Variants in SV2C observed in about 807,000 individuals in gnomAD.
SV2C encodes solute carrier family 22 member B3.
In SV2C, 49 loss-of-function variants were observed where a neutral mutation model predicts 79.7. The observed-to-expected ratio is 0.61, with a 90% CI of 0.49 to 0.78. The LOEUF (loss-of-function observed/expected upper bound fraction) is 0.78, where lower values mean the gene tolerates loss of function less well. Ranked by LOEUF, SV2C falls within the 30% of genes least tolerant of loss-of-function variation. The pLI is 0.00. For missense variants in SV2C, 833 were observed against 912.9 expected (o/e 0.91, Z 1.13); for synonymous variants, 334 against 333.2 (o/e 1.00, Z -0.03).
the SV2C span, among the ~76,000 whole-genome samples, chr5:76,016,354 G>A: frequency 6.7e-6 from 1 of 149,334 alleles, no homozygotes; most frequent in Non-Finnish European, 1.5e-5. Context: ...ACAACCTGAT[G>A]GACTCTACCT....
chr5:76,141,324 A>G (rs989376683), intron 2 of SV2C, among the ~76,000 whole-genome samples: 2 of 152,166 alleles, frequency 1.3e-5, no homozygotes, highest in Admixed American at 1.3e-4. Context: ...ACCTGAAGGC[A>G]GATTTCTCTA....
At chr5:75,870,505 A>G in the SV2C span, among the ~76,000 whole-genome samples, 1 of 152,134 alleles carries the variant, frequency 6.6e-6, no homozygotes, top group Admixed American at 6.6e-5. Flanking sequence ...AAGCATGCCT[A>G]TAGGATCTAG....
intron 12 of SV2C, among the ~76,000 whole-genome samples, chr5:76,339,833 C>T (rs1381990578): frequency 5.3e-5 from 8 of 152,140 alleles, no homozygotes; most frequent in African/African-American, 9.7e-5. Context: ...TTGTCAGAGG[C>T]GTTTAAACCA....
chr5:76,002,132 T>C, the SV2C span, among the ~76,000 whole-genome samples: 3 of 151,320 alleles, frequency 2.0e-5, no homozygotes, highest in Non-Finnish European at 2.9e-5. Flanking sequence ...CATTATTTCA[T>C]TCCATTTTAT....
chr5:75,882,211 T>G, the SV2C span, among the ~76,000 whole-genome samples: 10 of 151,750 alleles, frequency 6.6e-5, no homozygotes, highest in South Asian at 2.1e-4. Context: ...AGTATTTTAT[T>G]GAGGATTTTT....
intron 4 of SV2C, among the ~76,000 whole-genome samples, chr5:76,269,623 T>G (rs1251133952): frequency 6.6e-6 from 1 of 152,150 alleles, no homozygotes; most frequent in African/African-American, 2.4e-5. Flanking sequence ...TTGCCAAAAC[T>G]GTCATGAGAG....
At chr5:76,131,293 A>C (rs904125982) in intron 1 of SV2C, among the ~76,000 whole-genome samples, 1 of 152,162 alleles carries the variant, frequency 6.6e-6, no homozygotes, top group South Asian at 2.1e-4. Context: ...TTTCTCAATC[A>C]AGGTATATGC....
the SV2C span, among the ~76,000 whole-genome samples, chr5:75,891,212 T>C: frequency 4.6e-5 from 7 of 152,064 alleles, no homozygotes; most frequent in African/African-American, 1.7e-4. Flanking sequence ...TTTGATCAGA[T>C]TAGACCACTG....
intron 4 of SV2C, among the ~76,000 whole-genome samples, chr5:76,245,415 A>G (rs1297263037): frequency 6.6e-6 from 1 of 152,222 alleles, no homozygotes; most frequent in East Asian, 1.9e-4. Flanking sequence ...CCAGTGGCAA[A>G]TGATTCTGAA....
chr5:75,934,989 A>T, the SV2C span, among the ~76,000 whole-genome samples: 4 of 151,718 alleles, frequency 2.6e-5, no homozygotes, highest in African/African-American at 9.7e-5. Context: ...ATATTAATAT[A>T]TAGAAATGCT....
the SV2C span, among the ~76,000 whole-genome samples, chr5:76,036,113 C>T: frequency 6.6e-6 from 1 of 151,862 alleles, no homozygotes; most frequent in Non-Finnish European, 1.5e-5. Flanking sequence ...CTTCCTCCAT[C>T]CTTTTATTTT....
chr5:75,911,298 C>A, the SV2C span: 1 of 1,410,982 alleles, frequency 7.1e-7, no homozygotes, highest in Non-Finnish European at 1.0e-6. Flanking sequence ...GAACCCTGAG[C>A]CCTTCAGGGC....
chr5:75,865,164 A>G, the SV2C span, among the ~76,000 whole-genome samples: 1 of 152,238 alleles, frequency 6.6e-6, no homozygotes, highest in African/African-American at 2.4e-5. Context: ...CTGAGTGACC[A>G]CATACCTGGA....
chr5:76,117,109 A>G (rs1207228141), intron 1 of SV2C, among the ~76,000 whole-genome samples: 1 of 152,244 alleles, frequency 6.6e-6, no homozygotes, highest in Admixed American at 6.5e-5. Context: ...AATGGAATTC[A>G]GTGAGTTGCT....
chr5:76,085,567 G>A (rs1213928314), intron 1 of SV2C, among the ~76,000 whole-genome samples: 2 of 151,930 alleles, frequency 1.3e-5, no homozygotes, highest in Non-Finnish European at 2.9e-5. Flanking sequence ...AAGGGAGGGA[G>A]GAAGAAAAGC....
At chr5:75,942,283 G>T in the SV2C span, among the ~76,000 whole-genome samples, 1 of 152,112 alleles carries the variant, frequency 6.6e-6, no homozygotes, top group Admixed American at 6.5e-5. Context: ...CATAAGTAAG[G>T]GTTTCCCTGA....
chr5:75,984,534 T>C, the SV2C span, among the ~76,000 whole-genome samples: 1 of 104,110 alleles, frequency 9.6e-6, no homozygotes, highest in Non-Finnish European at 2.2e-5. Context: ...GAGATCTATC[T>C]GCCTATCTAT....
At chr5:76,184,975 A>C (rs1430805433) in intron 2 of SV2C, among the ~76,000 whole-genome samples, 1 of 152,328 alleles carries the variant, frequency 6.6e-6, no homozygotes, top group Non-Finnish European at 1.5e-5. Context: ...AGCCTGTAAA[A>C]TCAAAAGCAA....
At chr5:76,207,203 G>A (rs565568002) in intron 3 of SV2C, among the ~76,000 whole-genome samples, 4 of 151,784 alleles carry the variant, frequency 2.6e-5, no homozygotes, top group South Asian at 2.1e-4. Flanking sequence ...TAGCCACACC[G>A]AAGTACCTTT....
Sources: gnomAD v4.1 joint callset for allele counts (sites outside exome capture counted in the v4.1 genomes callset) on GRCh38, gnomAD v4.1.1 for gene constraint, MANE v1.5 for transcripts, NCBI Gene and HGNC (gene_info 2026-07-23, HGNC 2026-07-21) for gene names.